ERAP2: variants seen among roughly 807,000 people sequenced by gnomAD.
The protein encoded by ERAP2 is leukocyte-derived arginine aminopeptidase.
ERAP2 carries 118 observed loss-of-function variants against 111.1 expected under a neutral mutation model. That is an observed-to-expected ratio of 1.06 (90% CI 0.92 to 1.24). The LOEUF is 1.24. ERAP2 is among the 50% of genes most tolerant of loss of function. The probability of loss-of-function intolerance (pLI) is 0.00; values close to 1 mark genes in which losing one functional copy is unlikely to be tolerated. For missense variants in ERAP2, 1,131 were observed against 1,125.8 expected (o/e 1.00, Z -0.07); for synonymous variants, 410 against 401.2 (o/e 1.02, Z -0.26).
chr5:96,895,029 CA>C (rs1013331077), intron 6 of ERAP2, among the ~76,000 whole-genome samples: 2 of 147,172 alleles, frequency 1.4e-5, no homozygotes, highest in African/African-American at 5.0e-5. Context: ...TGAGAACACA[CA>C]AAAAAAAGAA....
chr5:96,895,339 A>G lies in ERAP2; in HGVS notation c.1219A>G (p.Thr407Ala), dbSNP rs138646616. ...CATGGAACTTATCGCTGTTAATGCTACATATCCAGAGCTGCAATTTGTAAG... is the reference window on the plus strand; with the variant it reads ...CATGGAACTTATCGCTGTTAATGCTGCATATCCAGAGCTGCAATTTGTAAG... The part of the protein sequence containing the change: ...KYMELIAVNA[T>A]YPELQFDDYF... The change falls in exon 7 of 19, where the codon ACA becomes GCA. Residue 407 changes from threonine to alanine, a missense_variant. Coordinates refer to ENST00000437043, the MANE Select transcript of ERAP2 (RefSeq NM_022350.5). The G allele has an allele frequency of 6.3e-5, 102 of 1,609,782 alleles. No individual in the cohort carries two copies. In the East Asian group the frequency reaches 2.1e-3, roughly 32 times the overall value.
chr5:96,918,374 T>A lies in ERAP2; in HGVS notation c.*769T>A, dbSNP rs144783420. On this transcript the variant is annotated 3_prime_UTR_variant, in exon 19 of 19. Coordinates refer to ENST00000437043, the MANE Select transcript of ERAP2 (RefSeq NM_022350.5). ...TAGCCAATGCATAAAATATACAAAC[T>A]ATGAAAGGCAAGGATCAGGAAACCA... 3 of 152,170 alleles carry A rather than the reference T, an allele frequency of 2.0e-5. No homozygotes were observed. Among genetic ancestry groups the A allele is most frequent in the Non-Finnish European group, 2.9e-5 (2 of 68,026 alleles). The allele number at this position is 152,170 out of a possible 1,614,324, so 9.4% of individuals were successfully genotyped here.
chr5:96,899,360 T>C (rs1032870050), intron 9 of ERAP2, among the ~76,000 whole-genome samples: 74 of 152,230 alleles, frequency 4.9e-4, no homozygotes, highest in African/African-American at 1.6e-3. Context: ...GGCCCTGTAG[T>C]ATTAAAATAA....
At chr5:96,887,941 C>T (rs1163514209) in intron 4 of ERAP2, among the ~76,000 whole-genome samples, 2 of 151,994 alleles carry the variant, frequency 1.3e-5, no homozygotes, top group Non-Finnish European at 2.9e-5. Flanking sequence ...GCCTGGCCAA[C>T]ATGGTGAAAC....
chr5:96,890,659 G>A (rs1784249456), intron 5 of ERAP2, among the ~76,000 whole-genome samples: 1 of 152,024 alleles, frequency 6.6e-6, no homozygotes, highest in African/African-American at 2.4e-5. Context: ...CAACTCCAAT[G>A]CATTTTCCTT....
intron 13 of ERAP2, among the ~76,000 whole-genome samples, 178 bp downstream of exon 13, chr5:96,903,738 GT>G (rs1170421819): frequency 1.3e-5 from 2 of 151,530 alleles, no homozygotes; most frequent in Non-Finnish European, 2.9e-5. Context: ...CCCACACAGT[GT>G]TTATAATTGT....
chr5:96,895,450 T>C, intron 7 of ERAP2, 91 bp downstream of exon 7: 3 of 913,706 alleles, frequency 3.3e-6, no homozygotes, highest in Non-Finnish European at 3.5e-6. Flanking sequence ...ACAGAAAAAC[T>C]ACATAATGTT....
intron 18 of ERAP2, among the ~76,000 whole-genome samples, chr5:96,916,727 C>T (rs112661212): frequency 0.041 from 6,118 of 151,060 alleles, 396 homozygotes; most frequent in African/African-American, 0.14. Flanking sequence ...TTTGGCCTCC[C>T]GAAGTGCTGG....
At chr5:96,878,251 A>T (rs1006160544) in intron 1 of ERAP2, among the ~76,000 whole-genome samples, 1 of 152,188 alleles carries the variant, frequency 6.6e-6, no homozygotes, top group African/African-American at 2.4e-5. Context: ...TAAGAATATT[A>T]TAAACTCAAA....
At chr5:96,903,615 T>C in intron 13 of ERAP2, 55 bp downstream of exon 13, 2 of 1,460,592 alleles carry the variant, frequency 1.4e-6, no homozygotes, top group Non-Finnish European at 1.9e-6. Context: ...TAACCAGATA[T>C]GCTAGACTTC....
chr5:96,885,413 A>G (rs551338856), intron 3 of ERAP2, among the ~76,000 whole-genome samples: 1 of 152,344 alleles, frequency 6.6e-6, no homozygotes, highest in South Asian at 2.1e-4. Context: ...GTTCTTAAAA[A>G]TTACAGCCCT....
intron 15 of ERAP2, among the ~76,000 whole-genome samples, chr5:96,911,073 G>A (rs555185065): frequency 1.8e-4 from 27 of 152,272 alleles, no homozygotes; most frequent in African/African-American, 6.3e-4. Flanking sequence ...ATATAGTATA[G>A]AGGAAGTAGC....
At chr5:96,893,413 C>A (rs1294435713) in intron 6 of ERAP2, among the ~76,000 whole-genome samples, 1 of 152,168 alleles carries the variant, frequency 6.6e-6, no homozygotes, top group Admixed American at 6.5e-5. Flanking sequence ...CTCTGTTACA[C>A]AGAGAGCCAT....
chr5:96,913,578 C>G, intron 17 of ERAP2, 121 bp downstream of exon 17: 1 of 1,187,150 alleles, frequency 8.4e-7, no homozygotes, highest in South Asian at 1.4e-5. Context: ...CCAAATAGTT[C>G]AGTGGAGTCA....
Position 96,895,334 on chromosome 5 carries a change from A to G in ERAP2, c.1214A>G (p.Asn405Ser). 6.2e-7 allele frequency: 1 copy of G among 1,611,080 alleles called. No individual in the cohort carries two copies. The change falls in exon 7 of 19, where the codon AAT becomes AGT. Residue 405 changes from asparagine (N) to serine (S), a missense_variant. Asn to Ser is a conservative substitution (Grantham distance 46). This residue lies in a region of ERAP2 where 847 missense variants were observed against 856.5 expected (regional missense o/e 0.99). Coordinates refer to ENST00000437043, the MANE Select transcript of ERAP2 (RefSeq NM_022350.5). ...AAATACATGGAACTTATCGCTGTTA[A>G]TGCTACATATCCAGAGCTGCAATTT... The part of the protein sequence containing the change: ...FAKYMELIAV[N>S]ATYPELQFDD...
chr5:96,882,612 C>A (rs1783262109), intron 2 of ERAP2, among the ~76,000 whole-genome samples: 1 of 152,174 alleles, frequency 6.6e-6, no homozygotes, highest in Non-Finnish European at 1.5e-5. Flanking sequence ...ATCGTGTAAG[C>A]AACAAAGATT....
At chr5:96,892,803 T>C (rs1460664131) in intron 6 of ERAP2, among the ~76,000 whole-genome samples, 1 of 152,190 alleles carries the variant, frequency 6.6e-6, no homozygotes, top group Non-Finnish European at 1.5e-5. Flanking sequence ...TTTCTCCTTA[T>C]ATCCCCTGGT....
chr5:96,896,718 G>GA lies in ERAP2; in HGVS notation c.1372-14_1372-13insA. On this transcript the variant is annotated splice_polypyrimidine_tract_variant and intron_variant, in intron 8 of 18. Transcript: ENST00000437043. ...CTTTATCTCTTTTTTCAACTCTTTT[G>GA]TTTTTTTTTAAAGGGAGCTTGTATT... The GA allele has an allele frequency of 6.9e-7, 1 of 1,456,986 alleles. No homozygotes were observed. Among genetic ancestry groups the GA allele is most frequent in the Non-Finnish European group, 9.2e-7 (1 of 1,086,246 alleles). The allele number at this position is 1,456,986 out of a possible 1,614,324, so 90.3% of individuals were successfully genotyped here. A position where few individuals can be genotyped will look rare whatever the true frequency, so the allele number is the denominator to read the frequency against.
chr5:96,890,711 G>C (rs1450766108), intron 5 of ERAP2, among the ~76,000 whole-genome samples: 1 of 151,920 alleles, frequency 6.6e-6, no homozygotes, highest in African/African-American at 2.4e-5. Flanking sequence ...ACAGTTCCAG[G>C]CTTAAAAAAA....
Sources: allele counts gnomAD v4.1 joint callset (sites outside exome capture counted in the v4.1 genomes callset), GRCh38; gene constraint gnomAD v4.1.1; regional missense constraint gnomAD v4.1.1; transcripts MANE v1.5; gene names NCBI Gene and HGNC (gene_info 2026-07-23, HGNC 2026-07-21).